The following ABHD6 variants were observed in gnomAD, a reference collection of about 807,000 sequenced individuals.
ABHD6 encodes the protein abhydrolase domain containing 6, acylglycerol lipase, also known as monoacylglycerol lipase ABHD6.
A neutral mutation model predicts 38.8 loss-of-function variants in ABHD6; 33 were observed. That is an observed-to-expected ratio of 0.85 (90% CI 0.64 to 1.14). The LOEUF is 1.14. Ranked by LOEUF, ABHD6 falls within the 50% of genes most tolerant of loss-of-function variation. The probability of loss-of-function intolerance (pLI) is 0.00; values close to 1 mark genes in which losing one functional copy is unlikely to be tolerated. For missense variants in ABHD6, 380 were observed against 422.6 expected (o/e 0.90, Z 0.88); for synonymous variants, 147 against 161.6 (o/e 0.91, Z 0.69).
At chr3:58,262,669 A>G (rs9869088) in intron 3 of ABHD6, among the ~76,000 whole-genome samples, 2,551 of 152,312 alleles carry the variant, frequency 0.017, 76 homozygotes, top group African/African-American at 0.058. Flanking sequence ...TCATTAAACC[A>G]AAGAAGATTT....
chr3:58,286,822 A>G lies in ABHD6; in HGVS notation c.837+1369A>G, dbSNP rs555942023. 5.8e-4 allele frequency among the ~76,000 whole-genome samples: 43 copies of G among 74,774 alleles called. 2 individuals are homozygous for G. Among genetic ancestry groups the G allele is most frequent in the Admixed American group, 1.7e-3 (11 of 6,422 alleles). The allele number at this position is 74,774 out of a possible 152,430, so 49.1% of individuals were successfully genotyped here. A position where few individuals can be genotyped will look rare whatever the true frequency, so the allele number is the denominator to read the frequency against. ...GCATATAAGATATATAAGATCATATATGTGTGTGTGTGTGTGTGTGTGTGT... is the reference window on the plus strand; with the variant it reads ...GCATATAAGATATATAAGATCATATGTGTGTGTGTGTGTGTGTGTGTGTGT... On this transcript the variant is annotated intron_variant, in intron 9 of 9. Transcript: ENST00000478253.
In ABHD6 at chr3:58,273,742, G is replaced by A. The variant is rs1382150750; in HGVS notation, c.524-916G>A. Among the ~76,000 whole-genome samples, 4 of 152,142 alleles carry A rather than the reference G, an allele frequency of 2.6e-5. No individual in the cohort carries two copies. Among genetic ancestry groups the A allele is most frequent in the African/African-American group, 9.7e-5 (4 of 41,432 alleles). On this transcript the variant is annotated intron_variant, in intron 6 of 9. Coordinates refer to ENST00000478253, the MANE Select transcript of ABHD6 (RefSeq NM_001320126.2). This position sits in a 1 kb window ranked among gnomAD's most constrained non-coding sequence, Gnocchi z 4.8. ...CCTGTCAGAGGGTGGAGGTCACAGG[G>A]AGGGAGAGCATTAGGACAAATGCCG...
In ABHD6 at chr3:58,274,222, T is replaced by C. The variant is rs371437474; in HGVS notation, c.524-436T>C. On this transcript the variant is annotated intron_variant, in intron 6 of 9. Coordinates refer to ENST00000478253, the MANE Select transcript of ABHD6 (RefSeq NM_001320126.2). ...AGGAGTGTCATTCATGCCAGCCCTA[T>C]GTTTTCTTCCGGTCATGTATTTCCT... 2.8e-4 allele frequency among the ~76,000 whole-genome samples: 43 copies of C among 152,360 alleles called. No individual in the cohort carries two copies. The South Asian group carries it at 3.7e-3, about 13-fold the overall frequency.
At chr3:58,250,221 C>T (rs1439765772) in intron 2 of ABHD6, among the ~76,000 whole-genome samples, 1 of 152,096 alleles carries the variant, frequency 6.6e-6, no homozygotes, top group East Asian at 1.9e-4. Flanking sequence ...GTTCATGGGC[C>T]CCAGTGCTTT....
intron 6 of ABHD6, among the ~76,000 whole-genome samples, chr3:58,271,449 G>A (rs148019945): frequency 5.9e-5 from 9 of 151,962 alleles, no homozygotes; most frequent in Non-Finnish European, 1.0e-4. Context: ...GGGCTCTTAC[G>A]AGCTAAGCTC....
At chr3:58,240,172 A>G (rs555410760) in intron 1 of ABHD6, among the ~76,000 whole-genome samples, 1 of 152,144 alleles carries the variant, frequency 6.6e-6, no homozygotes, top group African/African-American at 2.4e-5. Context: ...ATAAATAAAT[A>G]AAGAATGAGT....
chr3:58,252,229 G>GTTTTTTTTTTTT (rs10671892), intron 2 of ABHD6, among the ~76,000 whole-genome samples: 6 of 80,966 alleles, frequency 7.4e-5, no homozygotes, highest in South Asian at 5.4e-4. Context: ...TTGACTGCTT[G>GTTTTTTTTTTTT]TTTTTTTTTT....
chr3:58,258,612 C>T, intron 3 of ABHD6: 1 of 255,818 alleles, frequency 3.9e-6, no homozygotes, highest in South Asian at 3.6e-5. Context: ...CCTGGTTCCT[C>T]TCTGTGCTAT....
Position 58,256,790 on chromosome 3 carries a change from A to G in ABHD6, c.119+85A>G, listed in dbSNP as rs2097433694. ...TTGTCCTTTTTGTGGTTATTGTCCA[A>G]CATTTTATCAGGAAGTATTTCAGAC... On this transcript the variant is annotated intron_variant, in intron 3 of 9. Coordinates refer to ENST00000478253, the MANE Select transcript of ABHD6 (RefSeq NM_001320126.2). This position sits in a 1 kb window ranked among gnomAD's most constrained non-coding sequence, Gnocchi z 4.3. 1 of 1,105,896 alleles carries G rather than the reference A, an allele frequency of 9.0e-7. No individual in the cohort carries two copies. Among genetic ancestry groups the G allele is most frequent in the Non-Finnish European group, 1.3e-6 (1 of 748,554 alleles). The allele number at this position is 1,105,896 out of a possible 1,614,324, so 68.5% of individuals were successfully genotyped here.
intron 2 of ABHD6, among the ~76,000 whole-genome samples, chr3:58,252,226 C>CTTGTTTT (rs2097430414): frequency 1.4e-5 from 1 of 71,254 alleles, no homozygotes; most frequent in Admixed American, 1.5e-4. Context: ...AAATTGACTG[C>CTTGTTTT]TTGTTTTTTT....
intron 7 of ABHD6, among the ~76,000 whole-genome samples, chr3:58,278,485 C>G (rs556844141): frequency 2.8e-4 from 43 of 152,178 alleles, no homozygotes; most frequent in Non-Finnish European, 5.3e-4. Flanking sequence ...TTTGATTCTT[C>G]TCTCTTTTCT....
At chr3:58,244,314 T>G (rs771787193) in intron 1 of ABHD6, among the ~76,000 whole-genome samples, 2 of 152,152 alleles carry the variant, frequency 1.3e-5, no homozygotes, top group Non-Finnish European at 2.9e-5. Context: ...GGGGAGAGAC[T>G]TGAAAATCAA....
Position 58,294,108 on chromosome 3 carries a change from C to T in ABHD6, c.*343C>T, listed in dbSNP as rs923894489. The T allele has an allele frequency of 5.1e-6, 1 of 196,926 alleles. No individual in the cohort carries two copies. Among genetic ancestry groups the T allele is most frequent in the Admixed American group, 5.5e-5 (1 of 18,188 alleles). 12.2% of individuals were successfully genotyped at this position (196,926 alleles called of 1,614,324 possible). A position where few individuals can be genotyped will look rare whatever the true frequency, so the allele number is the denominator to read the frequency against. On this transcript the variant is annotated 3_prime_UTR_variant, in exon 10 of 10. Transcript: ENST00000478253. The stretch of plus-strand genomic sequence containing the variant: ...TCAAGGACATTTTCTTTGAGACATT[C>T]CTTATAGTTGGAGACTCAAGATATT...
In ABHD6 at chr3:58,238,348, C is replaced by G. The variant is rs920081161; in HGVS notation, c.-91+432C>G. 1 of 152,578 alleles carries G rather than the reference C, an allele frequency of 6.6e-6. No individual in the cohort carries two copies. The highest frequency in any genetic ancestry group is 1.5e-5 in the Non-Finnish European group (1 of 68,322). 9.5% of individuals were successfully genotyped at this position (152,578 alleles called of 1,614,324 possible). On this transcript the variant is annotated intron_variant, in intron 1 of 9. Transcript: ENST00000478253. This position sits in a 1 kb window ranked among gnomAD's most constrained non-coding sequence, Gnocchi z 6.9. ...TCGCCCACCCAGATAGCATCTTGCT[C>G]CGTGTCACGCGCCGCCTCCGCGCCG...
At position 58,286,222 on chromosome 3, in the gene ABHD6, T is replaced by C. The variant is rs371574166; in HGVS notation, c.837+769T>C. On this transcript the variant is annotated intron_variant, in intron 9 of 9. Coordinates refer to ENST00000478253, the MANE Select transcript of ABHD6 (RefSeq NM_001320126.2). ...TTTTAGTAGAGACGGGGTTTCACCA[T>C]GTTAGCCAGGATGGTCTCGATCTCC... Among the ~76,000 whole-genome samples, 56 of 152,288 alleles carry C rather than the reference T, an allele frequency of 3.7e-4. No homozygotes were observed. In the South Asian group the frequency reaches 3.7e-3, roughly 10 times the overall value.
At chr3:58,277,639 A>G (rs2097449718) in intron 7 of ABHD6, among the ~76,000 whole-genome samples, 1 of 152,192 alleles carries the variant, frequency 6.6e-6, no homozygotes, top group African/African-American at 2.4e-5. Context: ...AGAACTTCCA[A>G]CACTATATTG....
chr3:58,245,827 A>AAG (rs143444972), intron 1 of ABHD6, among the ~76,000 whole-genome samples: 20 of 151,010 alleles, frequency 1.3e-4, no homozygotes, highest in African/African-American at 4.4e-4. Flanking sequence ...GAAAGAAAGA[A>AAG]AAAGAAAGAA....
Position 58,267,486 on chromosome 3 carries a change from G to T in ABHD6, c.276+141G>T, listed in dbSNP as rs2097441932. On this transcript the variant is annotated intron_variant, in intron 4 of 9. Coordinates refer to ENST00000478253, the MANE Select transcript of ABHD6 (RefSeq NM_001320126.2). This position sits in a 1 kb window ranked among gnomAD's most constrained non-coding sequence, Gnocchi z 4.3. The stretch of plus-strand genomic sequence containing the variant: ...TCAAAACCAGCCTGGACAACATAAA[G>T]AAACCCTGTCTCTACAAAAAATTAA... The T allele has an allele frequency of 1.8e-6, 2 of 1,099,624 alleles. No homozygotes were observed. Among genetic ancestry groups the T allele is most frequent in the East Asian group, 5.2e-5 (2 of 38,514 alleles). 68.1% of individuals were successfully genotyped at this position (1,099,624 alleles called of 1,614,324 possible).
chr3:58,292,858 G>A (rs2097464225), intron 9 of ABHD6, among the ~76,000 whole-genome samples: 5 of 152,214 alleles, frequency 3.3e-5, no homozygotes, highest in Admixed American at 3.3e-4. Context: ...GGAGGTTGCA[G>A]TGAGTTGAGA....
Sources: allele counts gnomAD v4.1 joint callset (sites outside exome capture counted in the v4.1 genomes callset), GRCh38; gene constraint gnomAD v4.1.1; non-coding constraint Gnocchi (gnomAD v3.1); transcripts MANE v1.5; gene names NCBI Gene and HGNC (gene_info 2026-07-23, HGNC 2026-07-21).